UBE4A: variants seen among roughly 807,000 people sequenced by gnomAD.
UBE4A encodes the protein ubiquitin conjugation factor E4 A.
Under a neutral mutation model 117.9 loss-of-function variants are expected in UBE4A, and 48 were observed. That is an observed-to-expected ratio of 0.41 (90% CI 0.32 to 0.52). UBE4A has a LOEUF of 0.52. Ranked by LOEUF, UBE4A falls within the 20% of genes least tolerant of loss-of-function variation. The probability of loss-of-function intolerance (pLI) is 0.33; values close to 1 mark genes in which losing one functional copy is unlikely to be tolerated. For missense variants in UBE4A, 1,067 were observed against 1,296.3 expected, an observed-to-expected ratio of 0.82 and a Z score of 2.72; for synonymous variants, 407 against 450.0, an observed-to-expected ratio of 0.90 and a Z score of 1.21.
At chr11:118,394,540 GCAGGTGGATCACTTGAGAT>G (rs1338713554) in intron 19 of UBE4A, among the ~76,000 whole-genome samples, 9 of 152,188 alleles carry the variant, frequency 5.9e-5, no homozygotes, top group Non-Finnish European at 7.3e-5. Flanking sequence ...GGAGGCTGAA[GCAGGTGGATCACTTGAGAT>G]CAGGAGTTCG....
Position 118,396,436 on chromosome 11 carries a change from A to G in UBE4A, c.3197A>G (p.Glu1066Gly). ...AERKQQKEQL[E>G] ...AGGAAACAACAAAAGGAGCAACTTG[A>G]ATAGATACTGTGAACTAACCAAACC... The change falls in exon 20 of 20, where the codon GAA (glutamate) becomes GGA (glycine). Residue 1066 changes from glutamate (E) to glycine (G), a missense_variant. Around this residue, in one of 3 missense-constraint regions of UBE4A, gnomAD observed 32 missense variants for 34.5 expected, o/e 0.93. Transcript: ENST00000252108. 1 of 1,613,626 alleles carries G rather than the reference A, an allele frequency of 6.2e-7. No homozygotes were observed. The highest frequency in any genetic ancestry group is 8.5e-7 in the Non-Finnish European group (1 of 1,179,768).
intron 13 of UBE4A, among the ~76,000 whole-genome samples, chr11:118,383,973 C>T (rs147879557): frequency 2.7e-4 from 41 of 152,082 alleles, no homozygotes; most frequent in Non-Finnish European, 4.6e-4. Context: ...ACCATACAAC[C>T]AAAGTGTTGT....
intron 7 of UBE4A, 94 bp from the exon 8 acceptor site, chr11:118,373,400 G>A (rs1338766190): frequency 1.3e-6 from 2 of 1,522,730 alleles, no homozygotes; most frequent in African/African-American, 1.4e-5. Flanking sequence ...AGATAGCTTG[G>A]TTGTTGTATC....
intron 15 of UBE4A, among the ~76,000 whole-genome samples, chr11:118,385,496 G>A (rs1948747999): frequency 6.6e-6 from 1 of 152,170 alleles, no homozygotes; most frequent in African/African-American, 2.4e-5. Flanking sequence ...GCTATATGGT[G>A]AAACAAAGGT....
chr11:118,373,815 A>G (rs1948629069), intron 8 of UBE4A, 130 bp downstream of exon 8: 6 of 1,144,546 alleles, frequency 5.2e-6, no homozygotes, highest in Non-Finnish European at 7.1e-6. Flanking sequence ...ACATCACATA[A>G]ATAAATTAAA....
chr11:118,394,927 A>C (rs1183702001), intron 19 of UBE4A, among the ~76,000 whole-genome samples: 2 of 152,184 alleles, frequency 1.3e-5, no homozygotes, highest in Non-Finnish European at 2.9e-5. Context: ...TGATGGCAGC[A>C]CTGCACTCCT....
intron 2 of UBE4A, 23 bp downstream of exon 2, chr11:118,365,224 G>A (rs1437918756): frequency 1.3e-6 from 2 of 1,567,596 alleles, no homozygotes; most frequent in Non-Finnish European, 8.6e-7. Flanking sequence ...GCCAATAGCA[G>A]CAAATAAGAT....
At chr11:118,364,110 G>A (rs1366641287) in intron 1 of UBE4A, among the ~76,000 whole-genome samples, 1 of 151,984 alleles carries the variant, frequency 6.6e-6, no homozygotes. Flanking sequence ...TTTCAGTGTT[G>A]TATTTAATAT....
intron 15 of UBE4A, among the ~76,000 whole-genome samples, chr11:118,385,502 A>G (rs1412460752): frequency 6.6e-6 from 1 of 152,200 alleles, no homozygotes; most frequent in African/African-American, 2.4e-5. Flanking sequence ...TGGTGAAACA[A>G]AGGTTTCACA....
chr11:118,375,011 C>G lies in UBE4A; in HGVS notation c.1232C>G (p.Ala411Gly), dbSNP rs374711167. 3 of 1,613,530 alleles carry G rather than the reference C, an allele frequency of 1.9e-6. No homozygotes were observed. The highest frequency in any genetic ancestry group is 2.7e-5 in the African/African-American group (2 of 74,922). The change falls in exon 9 of 20, where the codon GCA becomes GGA. Residue 411 changes from alanine to glycine, a missense_variant. By Grantham distance (60) the Ala-to-Gly change is moderately conservative (BLOSUM62 0). Around this residue, in one of 3 missense-constraint regions of UBE4A, gnomAD observed 1,001 missense variants for 1,184.0 expected, o/e 0.85. Transcript: ENST00000252108. The stretch of plus-strand genomic sequence containing the variant: ...CTTGGAAACTGTTTGCATGCAAATG[C>G]AGGCCGCACCAAGATTTGGGCCAAT... ...SWLGNCLHAN[A>G]GRTKIWANQM... is the part of the protein sequence containing the mutation.
chr11:118,369,162 G>A (rs987248728), intron 3 of UBE4A, among the ~76,000 whole-genome samples: 1 of 152,148 alleles, frequency 6.6e-6, no homozygotes, highest in African/African-American at 2.4e-5. Context: ...TGCCCTGTCT[G>A]TGTTTAAACC....
rs1427260265 is a variant in UBE4A at position 118,368,695 on chromosome 11, T to C, written c.186T>C (p.Asp62=). The stretch of plus-strand genomic sequence containing the variant: ...TGTCAGAGAGCCTGGATGAATTCGA[T>C]TACTCTGTGGCTGAGATTAGCCGCT... ...NSVSESLDEF[D]YSVAEISRSF... Residue 62 remains aspartate (D), a synonymous_variant, in exon 3 of 20, where the codon GAT becomes GAC. Coordinates refer to ENST00000252108, the MANE Select transcript of UBE4A (RefSeq NM_001204077.2). The C allele has an allele frequency of 6.2e-7, 1 of 1,614,120 alleles. No individual in the cohort carries two copies. The highest frequency in any genetic ancestry group is 1.3e-5 in the African/African-American group (1 of 74,936).
intron 19 of UBE4A, among the ~76,000 whole-genome samples, chr11:118,395,890 C>T (rs747300849): frequency 2.6e-5 from 4 of 152,092 alleles, no homozygotes; most frequent in Non-Finnish European, 5.9e-5. Flanking sequence ...GCCTGGCCAA[C>T]ATGGTGAAAC....
intron 9 of UBE4A, among the ~76,000 whole-genome samples, chr11:118,375,793 A>G (rs1948647949): frequency 6.6e-6 from 1 of 152,216 alleles, no homozygotes; most frequent in South Asian, 2.1e-4. Context: ...ATAAAAATGA[A>G]TAAAGCAGAG....
At chr11:118,386,159 T>G (rs1948755515) in intron 15 of UBE4A, among the ~76,000 whole-genome samples, 1 of 152,220 alleles carries the variant, frequency 6.6e-6, no homozygotes, top group African/African-American at 2.4e-5. Context: ...TATTAAACTA[T>G]TCATCCTTCT....
At chr11:118,369,646 C>CTT (rs758717041) in intron 4 of UBE4A, 111 bp downstream of exon 4, 406 of 491,566 alleles carry the variant, frequency 8.3e-4, no homozygotes, top group African/African-American at 2.0e-3. Context: ...ATCCCTCTCT[C>CTT]TTTTTTTTTT....
chr11:118,375,078 T>G lies in UBE4A; in HGVS notation c.1299T>G (p.Ala433=). 1 of 1,614,232 alleles carries G rather than the reference T, an allele frequency of 6.2e-7. No individual in the cohort carries two copies. The highest frequency in any genetic ancestry group is 8.5e-7 in the Non-Finnish European group (1 of 1,180,042). The change falls in exon 9 of 20, where the codon GCT becomes GCG. Residue 433 remains alanine (A), a synonymous_variant. Transcript: ENST00000252108. ...TTTTCCAAATGTATGCCTCAGATGC[T>G]TTCTTTCTGAATCTGGGTGCTGCTC... The part of the protein sequence containing the change: ...EIFFQMYASD[A]FFLNLGAALL...
intron 2 of UBE4A, 88 bp downstream of exon 2, chr11:118,365,289 T>C: frequency 7.0e-7 from 1 of 1,429,914 alleles, no homozygotes; most frequent in Non-Finnish European, 9.2e-7. Context: ...TAATTGCAAT[T>C]GGAATTTAAG....
chr11:118,379,129 T>C (rs1256322528), intron 10 of UBE4A, among the ~76,000 whole-genome samples: 1 of 152,226 alleles, frequency 6.6e-6, no homozygotes, highest in Non-Finnish European at 1.5e-5. Flanking sequence ...TCTTGTACTT[T>C]GCCTAATAAT....
Sources: gnomAD v4.1 joint callset for allele counts (sites outside exome capture counted in the v4.1 genomes callset) on GRCh38, gnomAD v4.1.1 for gene constraint, gnomAD v4.1.1 regional missense constraint, MANE v1.5 for transcripts, NCBI Gene and HGNC (gene_info 2026-07-23, HGNC 2026-07-21) for gene names.